ADAM10: variants seen among roughly 807,000 people sequenced by gnomAD.
The protein encoded by ADAM10 is ADAM metallopeptidase domain 10.
ADAM10 carries 17 observed loss-of-function variants against 90.1 expected under a neutral mutation model. That is an observed-to-expected ratio of 0.19 (90% CI 0.13 to 0.28). The LOEUF is 0.28. ADAM10 is among the 10% of genes least tolerant of loss of function. The probability of loss-of-function intolerance (pLI) is 1.00; values close to 1 mark genes in which losing one functional copy is unlikely to be tolerated. For missense variants in ADAM10, 610 were observed against 914.3 expected (o/e 0.67, Z 4.29); for synonymous variants, 310 against 298.6 (o/e 1.04, Z -0.40).
At chr15:58,748,803 G>C (rs1899876698) in intron 1 of ADAM10, 1 of 397,432 alleles carries the variant, frequency 2.5e-6, no homozygotes, top group East Asian at 3.6e-5. Context: ...ACCCTCCTGT[G>C]ATCTCTCTCC....
chr15:58,744,605 T>C (rs1899725595), intron 1 of ADAM10, among the ~76,000 whole-genome samples: 1 of 152,216 alleles, frequency 6.6e-6, no homozygotes, highest in South Asian at 2.1e-4. Context: ...GAATAACAAC[T>C]GTTCTCCATA....
At chr15:58,686,397 C>A (rs1813268914) in intron 2 of ADAM10, 2 of 1,092,370 alleles carry the variant, frequency 1.8e-6, no homozygotes, top group Admixed American at 4.1e-5. Context: ...CCCTCGGAGC[C>A]CAGCGCCGCC....
chr15:58,603,785 C>A (rs985513487), intron 14 of ADAM10, among the ~76,000 whole-genome samples: 9 of 149,560 alleles, frequency 6.0e-5, no homozygotes, highest in Non-Finnish European at 3.0e-5. Flanking sequence ...TATGATTCCA[C>A]CTTTTTAAAA....
chr15:58,747,051 T>C (rs1450018099), intron 1 of ADAM10, among the ~76,000 whole-genome samples: 1 of 152,192 alleles, frequency 6.6e-6, no homozygotes, highest in Non-Finnish European at 1.5e-5. Flanking sequence ...AAGAGACATA[T>C]CATACTCTGA....
chr15:58,639,259 C>A (rs1412577748), intron 8 of ADAM10, among the ~76,000 whole-genome samples: 1 of 152,072 alleles, frequency 6.6e-6, no homozygotes, highest in Admixed American at 6.5e-5. Context: ...TTCAAGAGAC[C>A]GGGGTAGTGC....
chr15:58,591,525 A>T lies in ADAM10; in HGVS notation c.*6022T>A, dbSNP rs1392615319. On this transcript the variant is annotated 3_prime_UTR_variant, in exon 16 of 16. Transcript: ENST00000260408. ...TGATCCTCCCACCTTGGCCTCCCAAAGTGTTGGGATTACAGGTATGAGCCA... is the reference window on the plus strand; with the variant it reads ...TGATCCTCCCACCTTGGCCTCCCAATGTGTTGGGATTACAGGTATGAGCCA... 1 of 152,116 alleles carries T rather than the reference A, an allele frequency of 6.6e-6. No individual in the cohort carries two copies. The highest frequency in any genetic ancestry group is 1.9e-4 in the East Asian group (1 of 5,192). The allele number at this position is 152,116 out of a possible 1,614,324, so 9.4% of individuals were successfully genotyped here. A position where few individuals can be genotyped will look rare whatever the true frequency, so the allele number is the denominator to read the frequency against.
At chr15:58,680,528 T>C (rs1897406152) in intron 3 of ADAM10, among the ~76,000 whole-genome samples, 1 of 152,228 alleles carries the variant, frequency 6.6e-6, no homozygotes, top group South Asian at 2.1e-4. Context: ...TTTGTAATAC[T>C]ATCCCATCAA....
At position 58,641,527 on chromosome 15, in the gene ADAM10, G is replaced by A. The variant is rs148070522; in HGVS notation, c.829-567C>T. Among the ~76,000 whole-genome samples the A allele has an allele frequency of 5.9e-5, 9 of 152,158 alleles. No individual in the cohort carries two copies. In the South Asian group the frequency reaches 8.3e-4, roughly 14 times the overall value. ...AATTTATTTTTTTTTCCTGAATGTG[G>A]GCAAGAATTTTGCTAATTTAAACTC... On this transcript the variant is annotated intron_variant, in intron 7 of 15. Transcript: ENST00000260408.
chr15:58,679,034 GA>G, intron 4 of ADAM10, 89 bp downstream of exon 4: 2 of 1,301,470 alleles, frequency 1.5e-6, no homozygotes, highest in South Asian at 1.3e-5. Context: ...ACTCAGGAAA[GA>G]AAACAGCTAA....
intron 11 of ADAM10, among the ~76,000 whole-genome samples, chr15:58,612,217 A>T (rs532126089): frequency 1.3e-5 from 2 of 152,248 alleles, no homozygotes; most frequent in Admixed American, 1.3e-4. Flanking sequence ...TGTCCCAAAG[A>T]AACAGTGCCT....
intron 14 of ADAM10, among the ~76,000 whole-genome samples, chr15:58,608,937 C>T (rs78818721): frequency 3.3e-5 from 5 of 152,120 alleles, no homozygotes; most frequent in South Asian, 2.1e-4. Flanking sequence ...GATCTCCTTT[C>T]GTTTTCTGTA....
At chr15:58,687,441 A>G (rs1424620991) in intron 2 of ADAM10, among the ~76,000 whole-genome samples, 1 of 152,204 alleles carries the variant, frequency 6.6e-6, no homozygotes, top group East Asian at 1.9e-4. Context: ...ACAACCTAAA[A>G]GAATTCTTAA....
At chr15:58,661,337 G>A (rs1596040749) in intron 5 of ADAM10, among the ~76,000 whole-genome samples, 1 of 152,026 alleles carries the variant, frequency 6.6e-6, no homozygotes, top group East Asian at 1.9e-4. Flanking sequence ...TTACAGTGTA[G>A]GTCACCTAGA....
intron 15 of ADAM10, among the ~76,000 whole-genome samples, chr15:58,599,195 T>C (rs1272129439): frequency 6.7e-6 from 1 of 149,246 alleles, no homozygotes; most frequent in East Asian, 2.0e-4. Flanking sequence ...GGAGGGAAGA[T>C]GGAAGGGAAG....
intron 15 of ADAM10, among the ~76,000 whole-genome samples, chr15:58,599,267 T>C (rs1248008742): frequency 6.6e-6 from 1 of 151,784 alleles, no homozygotes; most frequent in Non-Finnish European, 1.5e-5. Flanking sequence ...AGATCAACAA[T>C]TTTAAAGTAG....
intron 2 of ADAM10, among the ~76,000 whole-genome samples, chr15:58,697,376 C>T (rs1898009383): frequency 6.6e-6 from 1 of 152,106 alleles, no homozygotes. Flanking sequence ...CCACTGGGGC[C>T]ATGGGGATCA....
intron 2 of ADAM10, chr15:58,692,152 T>C (rs1301598008): frequency 3.8e-6 from 2 of 527,832 alleles, no homozygotes; most frequent in Non-Finnish European, 7.6e-6. Context: ...GGACACAGAG[T>C]TGTTCATTTT....
intron 10 of ADAM10, among the ~76,000 whole-genome samples, chr15:58,622,712 T>C (rs1477363688): frequency 1.3e-5 from 2 of 152,008 alleles, no homozygotes; most frequent in African/African-American, 4.8e-5. Context: ...GCATAGTGAA[T>C]AATTTTAGAA....
chr15:58,606,094 GCTCA>G (rs1365700718), intron 14 of ADAM10, among the ~76,000 whole-genome samples: 36 of 152,036 alleles, frequency 2.4e-4, no homozygotes, highest in African/African-American at 8.5e-4. Context: ...GTTCAACAAC[GCTCA>G]CTCTCAGCAA....
Sources: allele counts gnomAD v4.1 joint callset (sites outside exome capture counted in the v4.1 genomes callset), GRCh38; gene constraint gnomAD v4.1.1; transcripts MANE v1.5; gene names NCBI Gene and HGNC (gene_info 2026-07-23, HGNC 2026-07-21).